The following CCL28 variants were observed in gnomAD, a reference collection of about 807,000 sequenced individuals.
CCL28 encodes C-C motif chemokine 28.
In CCL28, 4 loss-of-function variants were observed where a neutral mutation model predicts 7.1. The observed-to-expected ratio is 0.56, with a 90% confidence interval of 0.28 to 1.29. The LOEUF (loss-of-function observed/expected upper bound fraction) is 1.29. CCL28 is among the 50% of genes most tolerant of loss of function. The pLI is 0.11. For missense variants in CCL28, 151 were observed against 163.4 expected, an observed-to-expected ratio of 0.92 and a Z score of 0.41; for synonymous variants, 55 against 57.8, an observed-to-expected ratio of 0.95 and a Z score of 0.22.
chr5:43,377,505 A>AAAG (rs1554024715), downstream of CCL28: 2 of 149,848 alleles, frequency 1.3e-5, no homozygotes, highest in Non-Finnish European at 3.0e-5. Context: ...AAAAAAAAAA[A>AAAG]AAAGAAAGAA....
intron 1 of CCL28, among the ~76,000 whole-genome samples, chr5:43,396,803 A>G (rs1390286315): frequency 6.6e-6 from 1 of 152,232 alleles, no homozygotes; most frequent in Non-Finnish European, 1.5e-5. Flanking sequence ...GCACGACGTT[A>G]TGGCGCTTTG....
intron 1 of CCL28, among the ~76,000 whole-genome samples, chr5:43,407,112 G>GACTT (rs1421212613): frequency 6.6e-6 from 1 of 152,172 alleles, no homozygotes; most frequent in Non-Finnish European, 1.5e-5. Context: ...AGCTACCAGT[G>GACTT]ACTTTCTTCA....
chr5:43,359,026 T>G, the CCL28 span, among the ~76,000 whole-genome samples: 2 of 152,314 alleles, frequency 1.3e-5, no homozygotes, highest in Non-Finnish European at 2.9e-5. Context: ...ATCCCCTCCT[T>G]GTTCAGGGAC....
At chr5:43,397,238 C>G (rs1342997338) in intron 1 of CCL28, 2 of 152,230 alleles carry the variant, frequency 1.3e-5, no homozygotes, top group African/African-American at 4.8e-5. Flanking sequence ...GCTGGGGCGC[C>G]CAGGACCAGG....
intron 2 of CCL28, among the ~76,000 whole-genome samples, chr5:43,383,293 A>G (rs1050257487): frequency 6.6e-6 from 1 of 152,170 alleles, no homozygotes; most frequent in Non-Finnish European, 1.5e-5. Flanking sequence ...GGCTCTACAT[A>G]TATAGTATTT....
chr5:43,362,264 T>TAC, the CCL28 span, among the ~76,000 whole-genome samples: 2 of 152,170 alleles, frequency 1.3e-5, no homozygotes, highest in African/African-American at 4.8e-5. Context: ...TGAATGGGAT[T>TAC]ACATTCCTGA....
At chr5:43,390,543 G>A (rs997164263) in intron 1 of CCL28, among the ~76,000 whole-genome samples, 3 of 152,200 alleles carry the variant, frequency 2.0e-5, no homozygotes, top group Non-Finnish European at 4.4e-5. Flanking sequence ...AAAGTGATTT[G>A]TGAGATCAGC....
Position 43,381,490 on chromosome 5 carries a change from G to T in CCL28, c.*370C>A. 1 of 158,888 alleles carries T rather than the reference G, an allele frequency of 6.3e-6. No homozygotes were observed. The highest frequency in any genetic ancestry group is 1.4e-5 in the Non-Finnish European group (1 of 72,662). 9.8% of individuals were successfully genotyped at this position (158,888 alleles called of 1,614,324 possible). On this transcript the variant is annotated 3_prime_UTR_variant, in exon 3 of 3. Transcript: ENST00000361115. ...TCCTCCCACCTCAGCCTCCCATGTGGCTGGGATTATAGGCAAGTACTACCA... is the reference window on the plus strand; with the variant it reads ...TCCTCCCACCTCAGCCTCCCATGTGTCTGGGATTATAGGCAAGTACTACCA...
chr5:43,388,021 AAC>A (rs1740411505), intron 2 of CCL28: 1 of 208,780 alleles, frequency 4.8e-6, no homozygotes, highest in African/African-American at 2.3e-5. Context: ...CATGAAATAT[AAC>A]AGAGTTATCT....
chr5:43,403,361 C>G (rs968724514), intron 1 of CCL28, among the ~76,000 whole-genome samples: 2 of 152,200 alleles, frequency 1.3e-5, no homozygotes, highest in Non-Finnish European at 2.9e-5. Flanking sequence ...GCAATATTTG[C>G]TGTTCTGCAG....
chr5:43,400,801 C>CA (rs1740995819), intron 1 of CCL28, among the ~76,000 whole-genome samples: 1 of 151,954 alleles, frequency 6.6e-6, no homozygotes, highest in Non-Finnish European at 1.5e-5. Context: ...TTAAGAAGGG[C>CA]AGGCTGGGTG....
At chr5:43,412,173 C>A in intron 1 of CCL28, 80 bp downstream of exon 1, 2 of 1,077,526 alleles carry the variant, frequency 1.9e-6, no homozygotes, top group Non-Finnish European at 2.6e-6. Context: ...TATTCTTGCC[C>A]CACCTCAATC....
the CCL28 span, among the ~76,000 whole-genome samples, chr5:43,363,278 T>G: frequency 6.6e-6 from 1 of 152,210 alleles, no homozygotes; most frequent in African/African-American, 2.4e-5. Flanking sequence ...TATGATGAAC[T>G]ATTCACTGAG....
At chr5:43,384,026 G>A in intron 2 of CCL28, 1 of 190,018 alleles carries the variant, frequency 5.3e-6, no homozygotes, top group South Asian at 7.1e-5. Context: ...GTAGGTGGAG[G>A]TTGTAGTGAG....
rs1271344084 is a variant in CCL28 at position 43,379,815 on chromosome 5, A to G, written c.*2045T>C. 6.6e-6 allele frequency: 1 copy of G among 152,218 alleles called. No individual in the cohort carries two copies. The highest frequency in any genetic ancestry group is 1.5e-5 in the Non-Finnish European group (1 of 68,062). The allele number at this position is 152,218 out of a possible 1,614,324, so 9.4% of individuals were successfully genotyped here. ...AAAGAGGCCAAAAGAGGAATGGCAC[A>G]ATGGTATCAACTCAAACGTGTGAGC... On this transcript the variant is annotated 3_prime_UTR_variant, in exon 3 of 3. Coordinates refer to ENST00000361115, the MANE Select transcript of CCL28 (RefSeq NM_148672.3).
At chr5:43,357,704 G>A in the CCL28 span, among the ~76,000 whole-genome samples, 1 of 152,120 alleles carries the variant, frequency 6.6e-6, no homozygotes, top group East Asian at 1.9e-4. Context: ...AAAAGGGAAG[G>A]GGAGTGTAGG....
intron 2 of CCL28, among the ~76,000 whole-genome samples, chr5:43,387,683 G>A (rs1012745226): frequency 6.6e-6 from 1 of 152,324 alleles, no homozygotes; most frequent in Non-Finnish European, 1.5e-5. Flanking sequence ...AGGTTGGAGT[G>A]CACTGGCATG....
intron 2 of CCL28, 110 bp downstream of exon 2, chr5:43,388,240 G>T: frequency 1.5e-6 from 2 of 1,357,048 alleles, no homozygotes; most frequent in Non-Finnish European, 2.0e-6. Context: ...TCCCTTGTTT[G>T]GATGATTGTT....
chr5:43,362,106 T>C, the CCL28 span, among the ~76,000 whole-genome samples: 1 of 152,246 alleles, frequency 6.6e-6, no homozygotes, highest in Admixed American at 6.5e-5. Context: ...ATTTTAATGA[T>C]ATTTGTTCTT....
Sources: gnomAD v4.1 joint callset for allele counts (sites outside exome capture counted in the v4.1 genomes callset) on GRCh38, gnomAD v4.1.1 for gene constraint, MANE v1.5 for transcripts, NCBI Gene and HGNC (gene_info 2026-07-23, HGNC 2026-07-21) for gene names.